FRMD4A: variants seen among roughly 807,000 people sequenced by gnomAD.
FRMD4A encodes the protein FERM domain-containing protein 4A.
A neutral mutation model predicts 129.1 loss-of-function variants in FRMD4A; 29 were observed. The ratio of observed to expected loss-of-function variants is 0.22; its 90% CI spans 0.17 to 0.31. FRMD4A has a LOEUF of 0.31. Among genes scored for constraint, FRMD4A ranks in the 10% least tolerant of loss-of-function variants. The pLI is 1.00. For missense variants in FRMD4A, 1,272 were observed against 1,375.8 expected, an observed-to-expected ratio of 0.92 and a Z score of 1.19; for synonymous variants, 634 against 571.6, an observed-to-expected ratio of 1.11 and a Z score of -1.56.
intron 2 of FRMD4A, among the ~76,000 whole-genome samples, chr10:14,157,863 A>G (rs1840678301): frequency 3.9e-5 from 6 of 152,228 alleles, no homozygotes; most frequent in Admixed American, 3.9e-4. Flanking sequence ...TTAAGACCCT[A>G]AGTCTGAGCT....
At chr10:13,657,803 TAAA>T (rs1455185152) in intron 21 of FRMD4A, among the ~76,000 whole-genome samples, 56 of 150,800 alleles carry the variant, frequency 3.7e-4, no homozygotes, top group Non-Finnish European at 6.1e-4. Context: ...TTTTTTTTTT[TAAA>T]TAATTCTATA....
chr10:13,744,262 G>A (rs1418775478), intron 9 of FRMD4A, among the ~76,000 whole-genome samples: 1 of 152,082 alleles, frequency 6.6e-6, no homozygotes, highest in Non-Finnish European at 1.5e-5. Context: ...CTAGGCCCGC[G>A]AGGCAGAATC....
At position 14,180,108 on chromosome 10, in the gene FRMD4A, G is replaced by A. The variant is rs77058176; in HGVS notation, c.45+149950C>T. Among the ~76,000 whole-genome samples, 226 of 152,268 alleles carry A rather than the reference G, an allele frequency of 1.5e-3. 5 individuals are homozygous for A. In the East Asian group the frequency reaches 0.038, roughly 26 times the overall value. On this transcript the variant is annotated intron_variant, in intron 2 of 24. Coordinates refer to ENST00000357447, the MANE Select transcript of FRMD4A (RefSeq NM_018027.5). The stretch of plus-strand genomic sequence containing the variant: ...AACAAACCTCACAATGATCCCATGA[G>A]ATGTGGCAGGTATTCATTTTCATTT...
At chr10:14,124,659 G>A (rs1053833018) in intron 2 of FRMD4A, among the ~76,000 whole-genome samples, 5 of 152,122 alleles carry the variant, frequency 3.3e-5, no homozygotes, top group African/African-American at 4.8e-5. Flanking sequence ...CTGGGTGACA[G>A]GGCAAGACTT....
Position 13,651,011 on chromosome 10 carries a change from G to C in FRMD4A, c.*2+892C>G, listed in dbSNP as rs376688068. On this transcript the variant is annotated intron_variant, in intron 24 of 24. Coordinates refer to ENST00000357447, the MANE Select transcript of FRMD4A (RefSeq NM_018027.5). ...CATGCTCCTTGTATATCTTCTGATA[G>C]GCAATTTGATTTCAAGCCCTTGTGT... The C allele has an allele frequency of 3.3e-5, 5 of 152,318 alleles. No individual in the cohort carries two copies. The East Asian group carries it at 9.7e-4, about 29-fold the overall frequency. The allele number at this position is 152,318 out of a possible 1,614,324, so 9.4% of individuals were successfully genotyped here.
rs539818626 is a variant in FRMD4A, at chr10:14,311,735, C to A, written c.45+18323G>T. On this transcript the variant is annotated intron_variant, in intron 2 of 24. Coordinates refer to ENST00000357447, the MANE Select transcript of FRMD4A (RefSeq NM_018027.5). ...TCCTGCCCCACAAAATCAAGCCAAC[C>A]CCCATCTGTCTCTCAGAGGTTCCTG... Among the ~76,000 whole-genome samples, 62 of 152,178 alleles carry A rather than the reference C, an allele frequency of 4.1e-4. 1 individual carries two copies. Among genetic ancestry groups the A allele is most frequent in the African/African-American group, 1.4e-3 (58 of 41,504 alleles).
At chr10:13,892,026 C>G in intron 2 of FRMD4A, among the ~76,000 whole-genome samples, 1 of 141,658 alleles carries the variant, frequency 7.1e-6, no homozygotes, top group Non-Finnish European at 1.6e-5. Flanking sequence ...TGCGCGCCCC[C>G]GCCCCCCCAG....
chr10:14,002,579 T>C (rs1218602828), intron 2 of FRMD4A, among the ~76,000 whole-genome samples: 1 of 152,206 alleles, frequency 6.6e-6, no homozygotes, highest in Non-Finnish European at 1.5e-5. Context: ...AGTGGATATT[T>C]ATTGCACTCC....
intron 15 of FRMD4A, chr10:13,685,306 G>A (rs2084967113): frequency 1.0e-6 from 1 of 985,246 alleles, no homozygotes; most frequent in African/African-American, 1.7e-5. Flanking sequence ...TTTCTGGCTA[G>A]ATTCCATGGC....
intron 2 of FRMD4A, among the ~76,000 whole-genome samples, chr10:13,866,977 C>T (rs1276126750): frequency 1.3e-5 from 2 of 152,116 alleles, no homozygotes; most frequent in Admixed American, 1.3e-4. Context: ...AAATTAGATA[C>T]ATACAGATAG....
chr10:13,964,674 G>GTTTT (rs35812447), intron 2 of FRMD4A, among the ~76,000 whole-genome samples: 1 of 128,252 alleles, frequency 7.8e-6, no homozygotes, highest in African/African-American at 2.9e-5. Context: ...CTCTTCTTTT[G>GTTTT]TTTTTTTTTT....
intron 2 of FRMD4A, among the ~76,000 whole-genome samples, chr10:14,307,765 C>T (rs1846401375): frequency 6.6e-6 from 1 of 152,208 alleles, no homozygotes; most frequent in Non-Finnish European, 1.5e-5. Context: ...CATCCCCTCT[C>T]ACCGAGCTCC....
chr10:13,857,350 G>A (rs1174248683), intron 3 of FRMD4A, among the ~76,000 whole-genome samples: 2 of 152,088 alleles, frequency 1.3e-5, no homozygotes, highest in African/African-American at 2.4e-5. Context: ...ACAATGGTAA[G>A]TGGAAAAGGA....
intron 2 of FRMD4A, among the ~76,000 whole-genome samples, chr10:14,192,596 G>C (rs1418456140): frequency 6.6e-6 from 1 of 152,138 alleles, no homozygotes; most frequent in Non-Finnish European, 1.5e-5. Flanking sequence ...GAGAGCTTCA[G>C]GATCTCTTGG....
chr10:13,767,725 C>T (rs867637238), intron 6 of FRMD4A, among the ~76,000 whole-genome samples: 2 of 152,208 alleles, frequency 1.3e-5, no homozygotes, highest in South Asian at 4.1e-4. Flanking sequence ...AGGGTGGCTT[C>T]CATCTGCCTT....
At chr10:14,083,135 T>A (rs1055734580) in intron 2 of FRMD4A, 3 of 152,288 alleles carry the variant, frequency 2.0e-5, no homozygotes, top group African/African-American at 7.2e-5. Context: ...ATCTGTAAGA[T>A]CCTTGTCACA....
chr10:13,808,468 A>G (rs975557654), intron 4 of FRMD4A, among the ~76,000 whole-genome samples: 3 of 152,250 alleles, frequency 2.0e-5, no homozygotes, highest in Non-Finnish European at 2.9e-5. Context: ...ACCAAGCCAG[A>G]GCAGGTGAAC....
chr10:14,194,406 C>A (rs970044826), intron 2 of FRMD4A, among the ~76,000 whole-genome samples: 1 of 152,106 alleles, frequency 6.6e-6, no homozygotes, highest in Non-Finnish European at 1.5e-5. Context: ...GTCAGGAGAT[C>A]GAGACCATCC....
intron 3 of FRMD4A, among the ~76,000 whole-genome samples, chr10:13,811,906 T>G (rs1321907090): frequency 7.1e-6 from 1 of 141,408 alleles, no homozygotes; most frequent in Non-Finnish European, 1.5e-5. Flanking sequence ...TTTTTTGAGA[T>G]GGAGTCTCGC....
Sources: gnomAD v4.1 joint callset for allele counts (sites outside exome capture counted in the v4.1 genomes callset) on GRCh38, gnomAD v4.1.1 for gene constraint, MANE v1.5 for transcripts, NCBI Gene and HGNC (gene_info 2026-07-23, HGNC 2026-07-21) for gene names.